GALNT13: variants seen among roughly 807,000 people sequenced by gnomAD.
GALNT13 encodes the protein UDP-GalNAc:polypeptide N-acetylgalactosaminyltransferase 13.
GALNT13 carries 28 observed loss-of-function variants against 64.2 expected under a neutral mutation model. The observed-to-expected ratio is 0.44, with a 90% CI of 0.32 to 0.60. GALNT13 has a LOEUF of 0.60. Among genes scored for constraint, GALNT13 ranks in the 20% least tolerant of loss-of-function variants. The pLI is 0.05. For missense variants in GALNT13, 577 were observed against 669.8 expected, an observed-to-expected ratio of 0.86 and a Z score of 1.53; for synonymous variants, 214 against 224.6, an observed-to-expected ratio of 0.95 and a Z score of 0.42.
the GALNT13 span, among the ~76,000 whole-genome samples, chr2:153,491,497 C>T: frequency 6.6e-6 from 1 of 152,044 alleles, no homozygotes; most frequent in African/African-American, 2.4e-5. Context: ...TGAGCACAGA[C>T]TCTCCCTGTG....
intron 3 of GALNT13, among the ~76,000 whole-genome samples, chr2:154,125,771 A>C (rs2105529440): frequency 6.6e-6 from 1 of 152,310 alleles, no homozygotes; most frequent in South Asian, 2.1e-4. Context: ...GAATCACTAA[A>C]AGATGACCAG....
chr2:153,640,515 A>G, the GALNT13 span, among the ~76,000 whole-genome samples: 1 of 152,164 alleles, frequency 6.6e-6, no homozygotes, highest in East Asian at 1.9e-4. Context: ...ATGGTGGCTC[A>G]TACCTGTAAT....
intron 1 of GALNT13, among the ~76,000 whole-genome samples, chr2:153,883,351 C>G (rs1237554726): frequency 2.0e-5 from 3 of 151,802 alleles, no homozygotes; most frequent in Non-Finnish European, 4.4e-5. Flanking sequence ...ACAAAAAATA[C>G]AGTTAGAGCA....
chr2:153,582,453 G>C, the GALNT13 span, among the ~76,000 whole-genome samples: 2 of 152,042 alleles, frequency 1.3e-5, no homozygotes. Flanking sequence ...TTGGTAATGA[G>C]TAAAATTCCG....
At chr2:153,154,689 G>T in the GALNT13 span, among the ~76,000 whole-genome samples, 1 of 152,016 alleles carries the variant, frequency 6.6e-6, no homozygotes, top group African/African-American at 2.4e-5. Flanking sequence ...CAAACAGTTT[G>T]GCATCCTGTC....
the GALNT13 span, among the ~76,000 whole-genome samples, chr2:153,846,432 G>T: frequency 6.6e-6 from 1 of 152,070 alleles, no homozygotes; most frequent in African/African-American, 2.4e-5. Context: ...ACATTATTAA[G>T]CCAATAAGGG....
At chr2:154,186,298 A>T (rs1573834709) in intron 4 of GALNT13, among the ~76,000 whole-genome samples, 1 of 152,068 alleles carries the variant, frequency 6.6e-6, no homozygotes, top group East Asian at 1.9e-4. Context: ...ATGTCATTAG[A>T]TGAAAAAAAC....
intron 4 of GALNT13, among the ~76,000 whole-genome samples, chr2:154,239,223 G>A (rs555001752): frequency 1.3e-5 from 2 of 151,950 alleles, no homozygotes; most frequent in Non-Finnish European, 1.5e-5. Context: ...ATGCTGTATC[G>A]AAATATCTGC....
the GALNT13 span, among the ~76,000 whole-genome samples, chr2:153,464,397 A>G: frequency 2.0e-5 from 3 of 152,010 alleles, no homozygotes; most frequent in Non-Finnish European, 4.4e-5. Context: ...ATCGTCTGTT[A>G]TTTTTAAGTC....
chr2:153,383,212 A>C, the GALNT13 span, among the ~76,000 whole-genome samples: 1 of 152,048 alleles, frequency 6.6e-6, no homozygotes, highest in Non-Finnish European at 1.5e-5. Flanking sequence ...AAAATACAGC[A>C]CATATTACAA....
intron 9 of GALNT13, among the ~76,000 whole-genome samples, chr2:154,344,929 C>A (rs1020393289): frequency 6.6e-6 from 1 of 151,866 alleles, no homozygotes; most frequent in Non-Finnish European, 1.5e-5. Flanking sequence ...CCTTAGGACT[C>A]CTCCAAGCAC....
At chr2:153,183,420 G>A in the GALNT13 span, among the ~76,000 whole-genome samples, 1 of 152,080 alleles carries the variant, frequency 6.6e-6, no homozygotes, top group African/African-American at 2.4e-5. Context: ...CATTCTGTGG[G>A]TTGTCTGTTC....
chr2:153,513,077 C>T, the GALNT13 span, among the ~76,000 whole-genome samples: 1 of 152,102 alleles, frequency 6.6e-6, no homozygotes, highest in Non-Finnish European at 1.5e-5. Context: ...TGAATTTTAA[C>T]CCATAGCGTA....
intron 4 of GALNT13, among the ~76,000 whole-genome samples, chr2:154,180,428 TA>T (rs768633651): frequency 7.3e-5 from 11 of 151,194 alleles, no homozygotes; most frequent in African/African-American, 2.2e-4. Flanking sequence ...ACCACTTATT[TA>T]AAAAAAAATA....
At chr2:153,100,432 G>C in the GALNT13 span, among the ~76,000 whole-genome samples, 2 of 152,158 alleles carry the variant, frequency 1.3e-5, no homozygotes, top group African/African-American at 4.8e-5. Context: ...TTTCTACTTA[G>C]AGCTGTATGG....
intron 9 of GALNT13, among the ~76,000 whole-genome samples, chr2:154,322,144 CTTTTTTTTTTT>C (rs70983718): frequency 3.6e-4 from 6 of 16,612 alleles, no homozygotes; most frequent in South Asian, 3.9e-3. Flanking sequence ...AAAATATGTA[CTTTTTTTTTTT>C]TTTTTTTTTT....
At chr2:153,903,438 T>G (rs1688360610) in intron 2 of GALNT13, among the ~76,000 whole-genome samples, 1 of 152,072 alleles carries the variant, frequency 6.6e-6, no homozygotes, top group Non-Finnish European at 1.5e-5. Context: ...CAATTACTTT[T>G]GCATCAACCT....
the GALNT13 span, among the ~76,000 whole-genome samples, chr2:153,214,086 T>G: frequency 6.6e-6 from 1 of 152,218 alleles, no homozygotes; most frequent in African/African-American, 2.4e-5. Context: ...TTATTTTTTC[T>G]GTATTATTCA....
At chr2:154,315,310 A>C (rs1694261451) in intron 9 of GALNT13, among the ~76,000 whole-genome samples, 1 of 152,212 alleles carries the variant, frequency 6.6e-6, no homozygotes, top group Non-Finnish European at 1.5e-5. Flanking sequence ...AACTGGAATT[A>C]TGAGTTTGAG....
Sources: allele counts gnomAD v4.1 joint callset (sites outside exome capture counted in the v4.1 genomes callset), GRCh38; gene constraint gnomAD v4.1.1; transcripts MANE v1.5; gene names NCBI Gene and HGNC (gene_info 2026-07-23, HGNC 2026-07-21).